The following IL1RAPL1 variants were observed in gnomAD, a reference collection of about 807,000 sequenced individuals.
The protein encoded by IL1RAPL1 is interleukin 1 receptor accessory protein like 1.
A neutral mutation model predicts 48.4 loss-of-function variants in IL1RAPL1; 3 were observed. That is an observed-to-expected ratio of 0.06 (90% CI 0.03 to 0.16). IL1RAPL1 has a LOEUF of 0.16. Ranked by LOEUF, IL1RAPL1 falls within the 10% of genes least tolerant of loss-of-function variation. The pLI, the probability that IL1RAPL1 is intolerant of heterozygous loss-of-function variation, is 1.00. For synonymous variants in IL1RAPL1, 185 were observed against 187.7 expected (o/e 0.99, Z 0.12); for missense variants, 349 against 530.6 (o/e 0.66, Z 3.36).
intron 5 of IL1RAPL1, among the ~76,000 whole-genome samples, chrX:29,498,575 G>GT (rs1935239478): frequency 1.9e-5 from 2 of 106,425 alleles, no homozygotes; most frequent in Non-Finnish European, 3.9e-5. Flanking sequence ...TTAAATTGTG[G>GT]TTTTTTCTTT....
intron 2 of IL1RAPL1, among the ~76,000 whole-genome samples, chrX:29,180,317 C>A (rs970376295): frequency 1.8e-5 from 2 of 110,356 alleles, no homozygotes; most frequent in Non-Finnish European, 3.8e-5. Flanking sequence ...CCTTTTTCAT[C>A]CTTTTGAGAT....
chrX:29,719,598 T>C (rs1486825722), intron 6 of IL1RAPL1, among the ~76,000 whole-genome samples: 1 of 110,377 alleles, frequency 9.1e-6, no homozygotes, highest in African/African-American at 3.3e-5. Context: ...AAATTATTGA[T>C]GCTTGGGTTT....
intron 5 of IL1RAPL1, among the ~76,000 whole-genome samples, chrX:29,510,785 A>G (rs1935385970): frequency 9.0e-6 from 1 of 111,663 alleles, no homozygotes; most frequent in South Asian, 3.8e-4. Context: ...CACCATACTT[A>G]TCCTACATAT....
chrX:29,688,474 T>C (rs1926686890), intron 6 of IL1RAPL1, among the ~76,000 whole-genome samples: 1 of 111,967 alleles, frequency 8.9e-6, no homozygotes, highest in Admixed American at 9.5e-5. Context: ...AATTGATCTC[T>C]TTATTTCAAG....
chrX:29,635,572 T>A (rs749130742), intron 5 of IL1RAPL1, among the ~76,000 whole-genome samples: 2 of 111,673 alleles, frequency 1.8e-5, no homozygotes, highest in African/African-American at 6.5e-5. Context: ...AGGTTATATG[T>A]TACCAAAATG....
At chrX:29,006,810 G>T (rs1254351300) in intron 2 of IL1RAPL1, among the ~76,000 whole-genome samples, 1 of 109,193 alleles carries the variant, frequency 9.2e-6, no homozygotes, top group African/African-American at 3.3e-5. Context: ...ACAGCTGGGG[G>T]CTCAATTTTG....
intron 5 of IL1RAPL1, among the ~76,000 whole-genome samples, chrX:29,561,483 C>T (rs959290506): frequency 9.0e-6 from 1 of 111,719 alleles, no homozygotes. Context: ...TTTCCCTGTT[C>T]TTAGCTTTCC....
intron 5 of IL1RAPL1, among the ~76,000 whole-genome samples, chrX:29,655,035 C>T (rs1925634879): frequency 9.0e-6 from 1 of 110,938 alleles, no homozygotes; most frequent in Non-Finnish European, 1.9e-5. Context: ...TTTTTCAGTC[C>T]ACTATCATAA....
intron 2 of IL1RAPL1, among the ~76,000 whole-genome samples, chrX:29,070,515 C>T (rs1290425125): frequency 9.0e-6 from 1 of 111,379 alleles, no homozygotes; most frequent in African/African-American, 3.3e-5. Context: ...CCTTGAGGTT[C>T]TTCCAATTTT....
At chrX:29,944,781 C>A (rs754340075) in intron 9 of IL1RAPL1, among the ~76,000 whole-genome samples, 1 of 111,375 alleles carries the variant, frequency 9.0e-6, no homozygotes, top group East Asian at 2.8e-4. Context: ...ATACTACCAC[C>A]TGGTCTTTGG....
intron 2 of IL1RAPL1, among the ~76,000 whole-genome samples, chrX:28,818,615 G>A (rs1936895835): frequency 9.0e-6 from 1 of 110,675 alleles, no homozygotes; most frequent in Non-Finnish European, 1.9e-5. Flanking sequence ...GAAAATTTCT[G>A]AAGTCCTGGT....
At chrX:29,595,031 G>A (rs1471123760) in intron 5 of IL1RAPL1, among the ~76,000 whole-genome samples, 1 of 111,962 alleles carries the variant, frequency 8.9e-6, no homozygotes, top group Non-Finnish European at 1.9e-5. Flanking sequence ...ACAGTCTCCA[G>A]TTCCACCCAG....
chrX:29,127,540 A>G (rs1238906663), intron 2 of IL1RAPL1, among the ~76,000 whole-genome samples: 2 of 112,047 alleles, frequency 1.8e-5, no homozygotes, highest in Non-Finnish European at 3.8e-5. Context: ...TCTGTGGACA[A>G]TCTCATCCAC....
intron 1 of IL1RAPL1, among the ~76,000 whole-genome samples, chrX:28,765,171 T>G (rs1936221818): frequency 2.1e-4 from 18 of 85,267 alleles, no homozygotes; most frequent in East Asian, 4.3e-4. Flanking sequence ...GGGTGGGGGG[T>G]AGGGAAAGCA....
chrX:29,852,808 A>G (rs1181803767), intron 6 of IL1RAPL1, among the ~76,000 whole-genome samples: 1 of 109,788 alleles, frequency 9.1e-6, no homozygotes, highest in Admixed American at 9.6e-5. Flanking sequence ...AGAGCAAGAA[A>G]AGTCTCCAGA....
chrX:28,835,309 A>G (rs775748866), intron 2 of IL1RAPL1, among the ~76,000 whole-genome samples: 1 of 111,183 alleles, frequency 9.0e-6, no homozygotes, highest in Non-Finnish European at 1.9e-5. Flanking sequence ...ATATGAGTTT[A>G]TGAATATTAA....
rs757303601 is a variant in IL1RAPL1 at position 29,732,192 on chromosome X, G to T, written c.778+63688G>T. 8.9e-5 allele frequency among the ~76,000 whole-genome samples: 10 copies of T among 111,867 alleles called. No individual in the cohort carries two copies. The South Asian group carries it at 3.8e-3, about 42-fold the overall frequency. Reference sequence around the variant, plus strand: ...AACAAATCCCACTAATGGAGTGATGGTATATAATGGAAAGACAGTGAGACA... The same window carrying T: ...AACAAATCCCACTAATGGAGTGATGTTATATAATGGAAAGACAGTGAGACA... On this transcript the variant is annotated intron_variant, in intron 6 of 10. Coordinates refer to ENST00000378993, the MANE Select transcript of IL1RAPL1 (RefSeq NM_014271.4).
intron 2 of IL1RAPL1, among the ~76,000 whole-genome samples, chrX:29,114,547 T>C (rs1186185932): frequency 8.9e-6 from 1 of 112,149 alleles, no homozygotes; most frequent in East Asian, 2.8e-4. Context: ...ATATTGGATA[T>C]TTTGAAGTTC....
In IL1RAPL1 at chrX:29,102,199, A is replaced by C. The variant is rs145672313; in HGVS notation, c.83-180739A>C. 6.7e-3 allele frequency among the ~76,000 whole-genome samples: 747 copies of C among 111,924 alleles called. 8 individuals are homozygous for C. Among genetic ancestry groups the C allele is most frequent in the African/African-American group, 0.023 (714 of 30,801 alleles). ...TTCAACACAATGAAAGCCATGGATG[A>C]CAAACCCACAGCTAGTATCATAGTG... On this transcript the variant is annotated intron_variant, in intron 2 of 10. Coordinates refer to ENST00000378993, the MANE Select transcript of IL1RAPL1 (RefSeq NM_014271.4).
Sources: gnomAD v4.1 joint callset for allele counts (sites outside exome capture counted in the v4.1 genomes callset) on GRCh38, gnomAD v4.1.1 for gene constraint, MANE v1.5 for transcripts, NCBI Gene and HGNC (gene_info 2026-07-23, HGNC 2026-07-21) for gene names.